Variants in SLC39A8 observed in about 807,000 individuals in gnomAD.
SLC39A8 encodes solute carrier family 39 member 8, also known as metal cation symporter ZIP8.
In SLC39A8, 15 loss-of-function variants were observed where a neutral mutation model predicts 40.4. The ratio of observed to expected loss-of-function variants is 0.37; its 90% CI spans 0.25 to 0.57. SLC39A8 has a LOEUF of 0.57. SLC39A8 is among the 20% of genes least tolerant of loss of function. SLC39A8 has a pLI of 0.75. For synonymous variants in SLC39A8, 223 were observed against 221.6 expected, an observed-to-expected ratio of 1.01 and a Z score of -0.06; for missense variants, 472 against 558.8, an observed-to-expected ratio of 0.84 and a Z score of 1.57.
chr4:102,335,036 C>T (rs958660428), intron 2 of SLC39A8, among the ~76,000 whole-genome samples: 2 of 152,220 alleles, frequency 1.3e-5, no homozygotes, highest in Non-Finnish European at 2.9e-5. Flanking sequence ...CTACCCACAA[C>T]ATTTACTTAA....
In SLC39A8 at chr4:102,314,083, A is replaced by G. The variant is rs143064890; in HGVS notation, c.382+1585T>C. 2.4e-4 allele frequency among the ~76,000 whole-genome samples: 37 copies of G among 152,126 alleles called. No homozygotes were observed. In the East Asian group the frequency reaches 6.8e-3, roughly 28 times the overall value. ...TCACCACTCCCTTCCTCTACAATAA[A>G]GGGCTCTTCCCAGTCTTCTCCATCC... On this transcript the variant is annotated intron_variant, in intron 3 of 8. Coordinates refer to ENST00000356736, the MANE Select transcript of SLC39A8 (RefSeq NM_001135146.2).
chr4:102,282,083 A>G (rs1353024159), intron 6 of SLC39A8, among the ~76,000 whole-genome samples: 1 of 152,204 alleles, frequency 6.6e-6, no homozygotes, highest in Non-Finnish European at 1.5e-5. Flanking sequence ...AGGTATAGAA[A>G]GGTTAGGTAA....
intron 2 of SLC39A8, among the ~76,000 whole-genome samples, chr4:102,342,320 G>C (rs1202127555): frequency 1.3e-5 from 2 of 152,192 alleles, no homozygotes; most frequent in East Asian, 3.8e-4. Context: ...GACCAACAGG[G>C]AGAAACCTCA....
chr4:102,345,039 G>T, intron 1 of SLC39A8, 124 bp from the exon 2 acceptor site: 1 of 468,902 alleles, frequency 2.1e-6, no homozygotes, highest in Non-Finnish European at 2.9e-6. Context: ...CAGACGCCCC[G>T]GATCCGGGTT....
At chr4:102,317,897 G>C (rs1734731932) in intron 2 of SLC39A8, among the ~76,000 whole-genome samples, 1 of 152,114 alleles carries the variant, frequency 6.6e-6, no homozygotes, top group Non-Finnish European at 1.5e-5. Context: ...TCCTGAATCA[G>C]GACGCCCACT....
intron 2 of SLC39A8, among the ~76,000 whole-genome samples, chr4:102,331,028 A>C (rs1474871989): frequency 1.3e-5 from 2 of 152,194 alleles, no homozygotes; most frequent in Non-Finnish European, 2.9e-5. Flanking sequence ...TGTATCTCAA[A>C]ATAATAAGAG....
At chr4:102,330,175 C>A (rs1735389819) in intron 2 of SLC39A8, among the ~76,000 whole-genome samples, 1 of 151,998 alleles carries the variant, frequency 6.6e-6, no homozygotes, top group East Asian at 1.9e-4. Context: ...AAGATCAGAG[C>A]AGAACTGAAG....
intron 6 of SLC39A8, among the ~76,000 whole-genome samples, chr4:102,285,802 A>C (rs1409079009): frequency 6.6e-6 from 1 of 152,090 alleles, no homozygotes; most frequent in Non-Finnish European, 1.5e-5. Context: ...AATATATAGA[A>C]TAAATAAAAT....
intron 2 of SLC39A8, among the ~76,000 whole-genome samples, chr4:102,331,460 G>A (rs780431469): frequency 2.6e-5 from 4 of 152,116 alleles, no homozygotes; most frequent in Non-Finnish European, 5.9e-5. Context: ...AGCTTAAAAG[G>A]GATGTGAAGG....
chr4:102,302,146 G>T (rs1210248831), intron 6 of SLC39A8, among the ~76,000 whole-genome samples: 7 of 152,022 alleles, frequency 4.6e-5, no homozygotes, highest in Admixed American at 4.6e-4. Context: ...CAGGTTCAAA[G>T]CTCCTTCTCT....
At chr4:102,283,093 G>A (rs1732977558) in intron 6 of SLC39A8, among the ~76,000 whole-genome samples, 1 of 152,158 alleles carries the variant, frequency 6.6e-6, no homozygotes, top group South Asian at 2.1e-4. Context: ...TATTTTTTCA[G>A]AAGATGGTTT....
In SLC39A8 at chr4:102,344,779, G is replaced by C. The variant is rs1381386892; in HGVS notation, c.-117C>G. 1 of 1,322,358 alleles carries C rather than the reference G, an allele frequency of 7.6e-7. No homozygotes were observed. Among genetic ancestry groups the C allele is most frequent in the African/African-American group, 1.5e-5 (1 of 64,744 alleles). 81.9% of individuals were successfully genotyped at this position (1,322,358 alleles called of 1,614,324 possible). On this transcript the variant is annotated 5_prime_UTR_variant, in exon 2 of 9. Transcript: ENST00000356736. ...GCGTCAGTGCTCGGCGCTGCTCCGA[G>C]TCAGAGGTGGCGCGGGACGCCCCTG...
chr4:102,304,658 T>G (rs2149033265), intron 5 of SLC39A8, among the ~76,000 whole-genome samples, 177 bp from the exon 6 acceptor site: 1 of 152,050 alleles, frequency 6.6e-6, no homozygotes, highest in South Asian at 2.1e-4. Flanking sequence ...TTTCATTTAT[T>G]AGATTCTGCT....
chr4:102,291,914 T>C (rs1733466563), intron 6 of SLC39A8, among the ~76,000 whole-genome samples: 1 of 151,898 alleles, frequency 6.6e-6, no homozygotes, highest in Non-Finnish European at 1.5e-5. Context: ...AAAGGCTGCA[T>C]ATTTTAAAAC....
chr4:102,307,431 C>T lies in SLC39A8; in HGVS notation c.552+5G>A. 6.2e-7 allele frequency: 1 copy of T among 1,612,674 alleles called. No individual in the cohort carries two copies. Among genetic ancestry groups the T allele is most frequent in the Non-Finnish European group, 8.5e-7 (1 of 1,179,396 alleles). ...TTCACAGAAACAAATAGCCAACATC[C>T]TTACCTCTGGAATAAGTTGGAAAAT... is the stretch of plus-strand genomic sequence containing the variant. On this transcript the variant is annotated splice_donor_5th_base_variant and intron_variant, in intron 4 of 8. Coordinates refer to ENST00000356736, the MANE Select transcript of SLC39A8 (RefSeq NM_001135146.2).
At chr4:102,340,696 G>C (rs1282912188) in intron 2 of SLC39A8, among the ~76,000 whole-genome samples, 1 of 152,174 alleles carries the variant, frequency 6.6e-6, no homozygotes, top group Non-Finnish European at 1.5e-5. Context: ...TTAGAGTGCA[G>C]CAGTCATTTA....
intron 2 of SLC39A8, among the ~76,000 whole-genome samples, chr4:102,332,253 C>G (rs1011327992): frequency 6.6e-6 from 1 of 152,040 alleles, no homozygotes; most frequent in Admixed American, 6.6e-5. Context: ...GTGAAAATTT[C>G]GTAATCTATC....
chr4:102,265,043 GC>G (rs1481802466), intron 8 of SLC39A8, among the ~76,000 whole-genome samples: 1 of 152,204 alleles, frequency 6.6e-6, no homozygotes, highest in East Asian at 1.9e-4. Context: ...CATTGGAGTA[GC>G]CCTTTTAATT....
chr4:102,268,185 G>C, intron 6 of SLC39A8, 106 bp from the exon 7 acceptor site: 1 of 1,187,036 alleles, frequency 8.4e-7, no homozygotes, highest in South Asian at 1.3e-5. Flanking sequence ...TGTTCCAACA[G>C]AAAGTCTTTT....
Sources: allele counts gnomAD v4.1 joint callset (sites outside exome capture counted in the v4.1 genomes callset), GRCh38; gene constraint gnomAD v4.1.1; transcripts MANE v1.5; gene names NCBI Gene and HGNC (gene_info 2026-07-23, HGNC 2026-07-21).